The following GNAQ variants were observed in gnomAD, a reference collection of about 807,000 sequenced individuals.
GNAQ encodes the protein guanine nucleotide-binding protein G(q) subunit alpha.
A neutral mutation model predicts 43.9 loss-of-function variants in GNAQ; 8 were observed. That is an observed-to-expected ratio of 0.18 (90% CI 0.11 to 0.33). The LOEUF (loss-of-function observed/expected upper bound fraction) is 0.33. GNAQ is among the 10% of genes least tolerant of loss of function. GNAQ has a pLI of 1.00. For missense variants in GNAQ, 158 were observed against 450.8 expected (o/e 0.35, Z 5.88); for synonymous variants, 155 against 170.7 (o/e 0.91, Z 0.71).
intron 2 of GNAQ, among the ~76,000 whole-genome samples, chr9:77,839,723 C>T (rs1827453593): frequency 6.6e-6 from 1 of 152,208 alleles, no homozygotes; most frequent in African/African-American, 2.4e-5. Flanking sequence ...CGTGGCTATA[C>T]TTTAACTTGG....
intron 2 of GNAQ, among the ~76,000 whole-genome samples, chr9:77,906,653 G>T (rs1348765719): frequency 1.3e-5 from 2 of 152,110 alleles, no homozygotes; most frequent in African/African-American, 4.8e-5. Context: ...GAACTGAAAA[G>T]ACTTTTTTTG....
At chr9:78,021,135 G>A (rs974525750) in intron 1 of GNAQ, among the ~76,000 whole-genome samples, 4 of 141,078 alleles carry the variant, frequency 2.8e-5, no homozygotes, top group African/African-American at 1.1e-4. Context: ...CTGCAGCCCT[G>A]ACCACCCAGG....
At chr9:77,725,579 TAAAAAAAAAAAA>T (rs55766160) in intron 6 of GNAQ, among the ~76,000 whole-genome samples, 1 of 57,160 alleles carries the variant, frequency 1.7e-5, no homozygotes, top group Middle Eastern at 0.011. Flanking sequence ...AAGGTAACAG[TAAAAAAAAAAAA>T]AAAAAAAAAA....
At chr9:77,811,227 T>C (rs1052778229) in intron 3 of GNAQ, among the ~76,000 whole-genome samples, 3 of 152,124 alleles carry the variant, frequency 2.0e-5, no homozygotes, top group African/African-American at 7.2e-5. Flanking sequence ...TGAATATTTC[T>C]GTAAGGTGAT....
At chr9:77,927,273 T>A (rs1829083767) in intron 1 of GNAQ, among the ~76,000 whole-genome samples, 1 of 152,246 alleles carries the variant, frequency 6.6e-6, no homozygotes, top group Non-Finnish European at 1.5e-5. Context: ...ATGACCATTT[T>A]AAATCCAATC....
At chr9:78,007,822 T>G (rs1272303255) in intron 1 of GNAQ, among the ~76,000 whole-genome samples, 1 of 152,172 alleles carries the variant, frequency 6.6e-6, no homozygotes, top group Non-Finnish European at 1.5e-5. Flanking sequence ...AAAACTCAGG[T>G]TGGCTTCCAA....
intron 2 of GNAQ, among the ~76,000 whole-genome samples, chr9:77,880,555 G>GTTTTTT (rs55926441): frequency 3.5e-5 from 5 of 141,486 alleles, no homozygotes; most frequent in African/African-American, 5.3e-5. Flanking sequence ...GATTTTTTCT[G>GTTTTTT]TTTTTTTTTT....
intron 1 of GNAQ, among the ~76,000 whole-genome samples, chr9:77,936,462 T>C (rs1353776127): frequency 1.3e-5 from 2 of 152,158 alleles, no homozygotes; most frequent in African/African-American, 2.4e-5. Context: ...AGAAACCAAC[T>C]GTCTTATATG....
intron 1 of GNAQ, among the ~76,000 whole-genome samples, chr9:77,947,739 C>T (rs940268702): frequency 1.3e-5 from 2 of 152,196 alleles, no homozygotes; most frequent in East Asian, 3.8e-4. Flanking sequence ...TTAAAACACA[C>T]ATTCTGATTC....
chr9:77,861,453 C>T (rs917058922), intron 2 of GNAQ, among the ~76,000 whole-genome samples: 1 of 152,206 alleles, frequency 6.6e-6, no homozygotes, highest in Non-Finnish European at 1.5e-5. Context: ...TTAACTCAGA[C>T]AGTCCAAAGT....
chr9:77,977,453 GA>G (rs963043764), intron 1 of GNAQ, among the ~76,000 whole-genome samples: 4 of 149,576 alleles, frequency 2.7e-5, no homozygotes, highest in Non-Finnish European at 5.9e-5. Flanking sequence ...GCTCCCTCTT[GA>G]AAAAAAAACA....
intron 5 of GNAQ, among the ~76,000 whole-genome samples, chr9:77,757,311 A>T (rs528072641): frequency 4.6e-5 from 7 of 152,266 alleles, no homozygotes; most frequent in African/African-American, 1.7e-4. Context: ...ACCTATGATG[A>T]CTATACTCAT....
chr9:77,739,725 C>T lies in GNAQ; in HGVS notation c.736-11058G>A, dbSNP rs531112741. Among the ~76,000 whole-genome samples the T allele has an allele frequency of 1.1e-4, 17 of 152,322 alleles. No individual in the cohort carries two copies. The South Asian group carries it at 3.5e-3, about 32-fold the overall frequency. ...TTTTGCAAACTGTAGGAGAGTTGTT[C>T]GCAGGAGCAAAGTGTGTTTGGATGT... On this transcript the variant is annotated intron_variant, in intron 5 of 6. Transcript: ENST00000286548.
rs76209945 is a variant in GNAQ at position 77,947,306 on chromosome 9, G to A, written c.137-24961C>T. On this transcript the variant is annotated intron_variant, in intron 1 of 6. Coordinates refer to ENST00000286548, the MANE Select transcript of GNAQ (RefSeq NM_002072.5). The stretch of plus-strand genomic sequence containing the variant: ...GGAGGCAAGCAGTGAGCCCTGGGCT[G>A]GACTGTACTTCCCAGGGGCACAGGC... 7.0e-3 allele frequency among the ~76,000 whole-genome samples: 1,064 copies of A among 152,310 alleles called. 19 individuals are homozygous for A. The highest frequency in any genetic ancestry group is 0.024 in the African/African-American group (987 of 41,564).
At chr9:77,961,298 A>C (rs945231286) in intron 1 of GNAQ, among the ~76,000 whole-genome samples, 1 of 152,206 alleles carries the variant, frequency 6.6e-6, no homozygotes, top group Non-Finnish European at 1.5e-5. Flanking sequence ...TTTCCACACA[A>C]CAACATGGCA....
intron 1 of GNAQ, among the ~76,000 whole-genome samples, chr9:77,972,161 A>G (rs1823244521): frequency 1.3e-5 from 2 of 150,736 alleles, no homozygotes; most frequent in Admixed American, 1.3e-4. Flanking sequence ...AATTAAAATG[A>G]AAAAAAAATA....
intron 1 of GNAQ, chr9:78,030,394 T>A (rs2118629276): frequency 2.5e-6 from 1 of 401,852 alleles, no homozygotes; most frequent in African/African-American, 2.0e-5. Flanking sequence ...CTAGGCTCCC[T>A]CCTTTCGATG....
At chr9:77,754,741 G>A (rs1029229948) in intron 5 of GNAQ, among the ~76,000 whole-genome samples, 1 of 152,272 alleles carries the variant, frequency 6.6e-6, no homozygotes, top group South Asian at 2.1e-4. Context: ...ACAAATGCTG[G>A]CGAGGATGTG....
At position 77,882,794 on chromosome 9, in the gene GNAQ, G is replaced by A. The variant is rs1328874823; in HGVS notation, c.321+39367C>T. ...TTTTTTTTTTCGTTTTCACTTGTCT[G>A]TATTGTCTAAATTATTTTTGTAATA... On this transcript the variant is annotated intron_variant, in intron 2 of 6. Coordinates refer to ENST00000286548, the MANE Select transcript of GNAQ (RefSeq NM_002072.5). Among the ~76,000 whole-genome samples, 8 of 152,034 alleles carry A rather than the reference G, an allele frequency of 5.3e-5. 1 individual carries two copies. The highest frequency in any genetic ancestry group is 4.6e-4 in the Admixed American group (7 of 15,264).
Sources: gnomAD v4.1 joint callset for allele counts (sites outside exome capture counted in the v4.1 genomes callset) on GRCh38, gnomAD v4.1.1 for gene constraint, MANE v1.5 for transcripts, NCBI Gene and HGNC (gene_info 2026-07-23, HGNC 2026-07-21) for gene names.